ASAP2: variants seen among roughly 807,000 people sequenced by gnomAD.
The protein encoded by ASAP2 is arf-GAP with SH3 domain, ANK repeat and PH domain-containing protein 2.
Under a neutral mutation model 131.4 loss-of-function variants are expected in ASAP2, and 45 were observed. That is an observed-to-expected ratio of 0.34 (90% CI 0.27 to 0.44). ASAP2 has a LOEUF of 0.44. Ranked by LOEUF, ASAP2 falls within the 20% of genes least tolerant of loss-of-function variation. ASAP2 has a pLI of 1.00. For synonymous variants in ASAP2, 510 were observed against 503.0 expected (o/e 1.01, Z -0.19); for missense variants, 1,011 against 1,297.0 (o/e 0.78, Z 3.39).
At chr2:9,383,129 G>T (rs749196567) in intron 20 of ASAP2, among the ~76,000 whole-genome samples, 7 of 152,038 alleles carry the variant, frequency 4.6e-5, no homozygotes, top group Non-Finnish European at 8.8e-5. Context: ...TTTGAGTCAT[G>T]AGTCAGGTTC....
chr2:9,240,603 C>T (rs772289359), intron 1 of ASAP2, among the ~76,000 whole-genome samples: 11 of 152,216 alleles, frequency 7.2e-5, no homozygotes, highest in Admixed American at 1.3e-4. Flanking sequence ...GCACCACGGC[C>T]GTAGCTTTTG....
chr2:9,317,289 C>A (rs1003804922), intron 3 of ASAP2, among the ~76,000 whole-genome samples: 2 of 148,572 alleles, frequency 1.3e-5, no homozygotes, highest in South Asian at 2.2e-4. Flanking sequence ...ACCCTCACAC[C>A]CTCACAATCA....
At chr2:9,305,232 C>T (rs200824833) in intron 3 of ASAP2, among the ~76,000 whole-genome samples, 3 of 141,282 alleles carry the variant, frequency 2.1e-5, no homozygotes, top group African/African-American at 7.9e-5. Context: ...TGACAGGCTG[C>T]AGTAGTGGGG....
At chr2:9,248,221 G>T (rs899273016) in intron 1 of ASAP2, among the ~76,000 whole-genome samples, 1 of 152,244 alleles carries the variant, frequency 6.6e-6, no homozygotes, top group Admixed American at 6.5e-5. Context: ...AGGCCACGCA[G>T]GCCTGTGTTC....
chr2:9,391,381 C>A (rs1675709088), intron 23 of ASAP2, among the ~76,000 whole-genome samples, 185 bp downstream of exon 23: 1 of 152,094 alleles, frequency 6.6e-6, no homozygotes, highest in African/African-American at 2.4e-5. Flanking sequence ...AGCTGCAAAC[C>A]CCTGCCTGTC....
intron 3 of ASAP2, among the ~76,000 whole-genome samples, chr2:9,309,442 CTCTGGCA>C (rs1307231729): frequency 2.0e-5 from 3 of 152,310 alleles, no homozygotes; most frequent in Non-Finnish European, 4.4e-5. Context: ...GTGCAGTGTT[CTCTGGCA>C]AAGAAGCAGA....
chr2:9,376,790 G>T, intron 17 of ASAP2, 118 bp from the exon 18 acceptor site: 1 of 910,452 alleles, frequency 1.1e-6, no homozygotes. Flanking sequence ...TAAGAGATAA[G>T]TTTCTCGAAG....
chr2:9,262,593 A>G (rs1053840871), intron 1 of ASAP2, among the ~76,000 whole-genome samples: 1 of 152,204 alleles, frequency 6.6e-6, no homozygotes, highest in South Asian at 2.1e-4. Flanking sequence ...AGAACCAGTG[A>G]TTTGTAACTG....
At position 9,403,237 on chromosome 2, in the gene ASAP2, C is replaced by T; in HGVS notation, c.2947-16C>T. The stretch of plus-strand genomic sequence containing the variant: ...TTTGGAATTTTAATAACAACCTACA[C>T]TTTTCTCCATTTCAGATTGGCCACA... On this transcript the variant is annotated splice_polypyrimidine_tract_variant and intron_variant, in intron 27 of 27. Coordinates refer to ENST00000281419, the MANE Select transcript of ASAP2 (RefSeq NM_003887.3). 1 of 1,612,556 alleles carries T rather than the reference C, an allele frequency of 6.2e-7. No individual in the cohort carries two copies. Among genetic ancestry groups the T allele is most frequent in the Non-Finnish European group, 8.5e-7 (1 of 1,178,674 alleles).
rs1441204088 is a variant in ASAP2 at position 9,207,285 on chromosome 2, C to T, written c.126+55C>T. The T allele has an allele frequency of 1.4e-6, 2 of 1,463,750 alleles. No homozygotes were observed. Among genetic ancestry groups the T allele is most frequent in the African/African-American group, 1.5e-5 (1 of 68,118 alleles). 90.7% of individuals were successfully genotyped at this position (1,463,750 alleles called of 1,614,324 possible). ...GCAGGTATCCCGCGCCCCAGCCCCG[C>T]CCGCCGCTCCCGCATCCGCATCCCG... On this transcript the variant is annotated intron_variant, in intron 1 of 27. Coordinates refer to ENST00000281419, the MANE Select transcript of ASAP2 (RefSeq NM_003887.3). The surrounding 1 kb of genome is among the most constrained non-coding windows in gnomAD (Gnocchi z 4.1).
At position 9,376,814 on chromosome 2, in the gene ASAP2, A is replaced by G; in HGVS notation, c.1747-94A>G. The G allele has an allele frequency of 3.6e-6, 4 of 1,123,062 alleles. No homozygotes were observed. In the Middle Eastern group the frequency reaches 8.0e-4, roughly 224 times the overall value. The allele number at this position is 1,123,062 out of a possible 1,614,324, so 69.6% of individuals were successfully genotyped here. On this transcript the variant is annotated intron_variant, in intron 17 of 27. Transcript: ENST00000281419. ...AGTTTCTCGAAGGGAAAGATAAAAG[A>G]CTTTTGGAAGAGTTGTACACGATTT...
At chr2:9,254,594 G>A (rs1195531387) in intron 1 of ASAP2, among the ~76,000 whole-genome samples, 2 of 134,808 alleles carry the variant, frequency 1.5e-5, no homozygotes, top group Admixed American at 8.5e-5. Context: ...GGCTGGTCTC[G>A]AACTCCTGAC....
intron 3 of ASAP2, among the ~76,000 whole-genome samples, chr2:9,316,207 A>G (rs1669660966): frequency 6.6e-6 from 1 of 152,072 alleles, no homozygotes; most frequent in African/African-American, 2.4e-5. Flanking sequence ...CTATAGTCCC[A>G]GCTACTCAGG....
At chr2:9,314,938 A>T (rs1572426079) in intron 3 of ASAP2, among the ~76,000 whole-genome samples, 1 of 151,896 alleles carries the variant, frequency 6.6e-6, no homozygotes, top group Non-Finnish European at 1.5e-5. Context: ...AAAAAAAAAA[A>T]AAAAATAGAA....
Position 9,369,979 on chromosome 2 carries a change from C to T in ASAP2, c.1556+1460C>T, listed in dbSNP as rs188971052. ...GCCTCAGCCTCCTGAGTAGCTGGGA[C>T]AGGCACATGCCACCACACCCAGCTA... On this transcript the variant is annotated intron_variant, in intron 16 of 27. Coordinates refer to ENST00000281419, the MANE Select transcript of ASAP2 (RefSeq NM_003887.3). Among the ~76,000 whole-genome samples, 344 of 152,262 alleles carry T rather than the reference C, an allele frequency of 2.3e-3. 1 individual carries two copies. The highest frequency in any genetic ancestry group is 1.4e-3 in the Non-Finnish European group (93 of 68,016).
At chr2:9,397,756 T>A (rs1335582045) in intron 24 of ASAP2, among the ~76,000 whole-genome samples, 5 of 100,568 alleles carry the variant, frequency 5.0e-5, no homozygotes, top group South Asian at 3.5e-4. Flanking sequence ...ATATATTTTT[T>A]TTTTTTTTTT....
intron 1 of ASAP2, among the ~76,000 whole-genome samples, chr2:9,260,542 G>C (rs531467096): frequency 1.2e-4 from 18 of 152,276 alleles, no homozygotes; most frequent in Non-Finnish European, 2.4e-4. Flanking sequence ...GGCTCTAAAA[G>C]GCACATGACC....
At chr2:9,308,998 A>G (rs1313937149) in intron 3 of ASAP2, among the ~76,000 whole-genome samples, 1 of 152,194 alleles carries the variant, frequency 6.6e-6, no homozygotes, top group Non-Finnish European at 1.5e-5. Flanking sequence ...TGAACCTGCC[A>G]GTCATACTCC....
At chr2:9,403,093 G>A (rs772980240) in intron 27 of ASAP2, among the ~76,000 whole-genome samples, 160 bp from the exon 28 acceptor site, 1 of 152,140 alleles carries the variant, frequency 6.6e-6, no homozygotes, top group Non-Finnish European at 1.5e-5. Flanking sequence ...GAGGAAAAAC[G>A]GACAAAAATC....
Sources: gnomAD v4.1 joint callset for allele counts (sites outside exome capture counted in the v4.1 genomes callset) on GRCh38, gnomAD v4.1.1 for gene constraint, Gnocchi (gnomAD v3.1) non-coding constraint, MANE v1.5 for transcripts, NCBI Gene and HGNC (gene_info 2026-07-23, HGNC 2026-07-21) for gene names.